GSTA5: variants seen among roughly 807,000 people sequenced by gnomAD.
GSTA5 encodes the protein glutathione S-transferase A5.
In GSTA5, 25 loss-of-function variants were observed where a neutral mutation model predicts 21.8. That is an observed-to-expected ratio of 1.14 (90% CI 0.83 to 1.60). The LOEUF (loss-of-function observed/expected upper bound fraction) is 1.60, where lower values mean the gene tolerates loss of function less well. Ranked by LOEUF, GSTA5 falls within the 40% of genes most tolerant of loss-of-function variation. The pLI is 0.00. For synonymous variants in GSTA5, 102 were observed against 89.5 expected (o/e 1.14, Z -0.78); for missense variants, 330 against 259.2 (o/e 1.27, Z -1.88).
At chr6:52,842,340 T>A (rs907818608), upstream of GSTA5, among the ~76,000 whole-genome samples, 2 of 152,090 alleles carry the variant, frequency 1.3e-5, no homozygotes, top group African/African-American at 4.8e-5. Context: ...AAGATTCTTC[T>A]TGCAAAGTTT....
At chr6:52,844,575 A>G (rs1561928832), upstream of GSTA5, among the ~76,000 whole-genome samples, 1 of 152,148 alleles carries the variant, frequency 6.6e-6, no homozygotes, top group Admixed American at 6.5e-5. Context: ...TCCCAATGAC[A>G]CTGTTTCTTA....
chr6:52,836,443 G>A lies in GSTA5; in HGVS notation c.140-75C>T. 10 of 1,406,758 alleles carry A rather than the reference G, an allele frequency of 7.1e-6. No individual in the cohort carries two copies. The South Asian group carries it at 1.3e-4, about 18-fold the overall frequency. The allele number at this position is 1,406,758 out of a possible 1,614,324, so 87.1% of individuals were successfully genotyped here. A position where few individuals can be genotyped will look rare whatever the true frequency, so the allele number is the denominator to read the frequency against. ...CTTTTGGGATGAAAAAAATGGTTAT[G>A]GAAATGACTAAATTTGTGAAATGAA... On this transcript the variant is annotated intron_variant, in intron 2 of 5. Transcript: ENST00000370989.
chr6:52,835,776 G>T (rs1259802961), intron 3 of GSTA5, among the ~76,000 whole-genome samples: 1 of 152,130 alleles, frequency 6.6e-6, no homozygotes, highest in Non-Finnish European at 1.5e-5. Context: ...CCATATAATT[G>T]GTTGGTAATT....
In GSTA5 at chr6:52,832,913, GA is replaced by G. The variant is rs770483227; in HGVS notation, c.491del (p.Phe164SerfsTer18). 1.9e-6 allele frequency: 3 copies of G among 1,614,124 alleles called. No homozygotes were observed. The highest frequency in any genetic ancestry group is 2.5e-6 in the Non-Finnish European group (3 of 1,180,010). ...TCGAGTCAAGCTCTTCCACGTAGTAGAAAAGTTCCACCAGGTGAATGTCAGC... is the reference window on the plus strand; with the variant it reads ...TCGAGTCAAGCTCTTCCACGTAGTAGAAAGTTCCACCAGGTGAATGTCAGC... On this transcript the variant is annotated frameshift_variant, in exon 5 of 6. Transcript: ENST00000370989. LOFTEE classifies it high-confidence loss of function.
intron 5 of GSTA5, among the ~76,000 whole-genome samples, 170 bp from the exon 6 acceptor site, chr6:52,832,140 A>T (rs1170624455): frequency 6.6e-6 from 1 of 152,174 alleles, no homozygotes; most frequent in African/African-American, 2.4e-5. Context: ...AAGAGGAATA[A>T]CATGTAGCTC....
chr6:52,837,865 C>T (rs1581817385), intron 1 of GSTA5, among the ~76,000 whole-genome samples: 1 of 152,184 alleles, frequency 6.6e-6, no homozygotes, highest in African/African-American at 2.4e-5. Context: ...ATGATTAGGT[C>T]ATATTTTGAG....
chr6:52,837,145 T>C (rs1319897700), intron 2 of GSTA5, among the ~76,000 whole-genome samples: 1 of 152,120 alleles, frequency 6.6e-6, no homozygotes, highest in Non-Finnish European at 1.5e-5. Context: ...CAGTGTTACT[T>C]TGTCACGCCC....
exon 4 of GSTA5, chr6:52,834,273 C>G: frequency 6.2e-7 from 1 of 1,608,046 alleles, no homozygotes; most frequent in Non-Finnish European, 8.5e-7. Context: ...CTTCTGTGTA[C>G]ATATCAATCC....
At chr6:52,839,956 ACTGT>A (rs1203188150) in intron 1 of GSTA5, among the ~76,000 whole-genome samples, 5 of 152,212 alleles carry the variant, frequency 3.3e-5, no homozygotes, top group Non-Finnish European at 7.3e-5. Context: ...TGTCTTGTTC[ACTGT>A]CTATCTCCAT....
upstream of GSTA5, among the ~76,000 whole-genome samples, chr6:52,841,316 C>T (rs73740673): frequency 0.011 from 1,694 of 152,248 alleles, 30 homozygotes; most frequent in African/African-American, 0.038. Flanking sequence ...ACATGAATAT[C>T]TACACCAAGG....
At chr6:52,833,994 A>G (rs137903257) in intron 4 of GSTA5, 147 bp downstream of exon 4, 1 of 835,560 alleles carries the variant, frequency 1.2e-6, no homozygotes, top group Non-Finnish European at 2.0e-6. Flanking sequence ...GTCTATTTGC[A>G]TAAGAGGCCT....
intron 1 of GSTA5, among the ~76,000 whole-genome samples, chr6:52,839,916 T>C (rs542586537): frequency 7.0e-4 from 107 of 152,340 alleles, no homozygotes; most frequent in Non-Finnish European, 1.3e-3. Flanking sequence ...CTCATAGACA[T>C]GTAGGCCGCC....
At chr6:52,834,436 C>T (rs57507387) in intron 3 of GSTA5, among the ~76,000 whole-genome samples, 154 bp from the exon 4 acceptor site, 1 of 152,244 alleles carries the variant, frequency 6.6e-6, no homozygotes, top group African/African-American at 2.4e-5. Context: ...CTGAGTTTTA[C>T]AGGTATATAG....
exon 5 of GSTA5, chr6:52,832,902 T>A: frequency 6.2e-7 from 1 of 1,614,112 alleles, no homozygotes; most frequent in Non-Finnish European, 8.5e-7. Flanking sequence ...GTCAAGCTCT[T>A]CCACGTAGTA....
At chr6:52,831,722 T>A in exon 6 of GSTA5, 1 of 1,097,436 alleles carries the variant, frequency 9.1e-7, no homozygotes, top group Non-Finnish European at 1.3e-6. Context: ...ATTATTTAAT[T>A]AGCATGTAAT....
chr6:52,840,395 A>G (rs1481661944), intron 1 of GSTA5, among the ~76,000 whole-genome samples: 1 of 152,240 alleles, frequency 6.6e-6, no homozygotes, highest in Non-Finnish European at 1.5e-5. Context: ...CACATGAAAT[A>G]TTAACAATAA....
At chr6:52,840,797 T>C (rs1764363241) in exon 1 of GSTA5, 1 of 1,613,904 alleles carries the variant, frequency 6.2e-7, no homozygotes, top group Non-Finnish European at 8.5e-7. Flanking sequence ...GTAGTGGAGC[T>C]TGGGCTTCTC....
At chr6:52,839,669 G>T (rs1364854386) in intron 1 of GSTA5, among the ~76,000 whole-genome samples, 1 of 152,164 alleles carries the variant, frequency 6.6e-6, no homozygotes. Flanking sequence ...TCCTGAGTTT[G>T]TCCATGACTC....
At chr6:52,835,786 T>G (rs565547455) in intron 3 of GSTA5, among the ~76,000 whole-genome samples, 1 of 152,304 alleles carries the variant, frequency 6.6e-6, no homozygotes, top group East Asian at 1.9e-4. Flanking sequence ...GGTTGGTAAT[T>G]TAGGTTCCTG....
Sources: gnomAD v4.1 joint callset for allele counts (sites outside exome capture counted in the v4.1 genomes callset) on GRCh38, gnomAD v4.1.1 for gene constraint, MANE v1.5 for transcripts, NCBI Gene and HGNC (gene_info 2026-07-23, HGNC 2026-07-21) for gene names.